The following KDM2A variants were observed in gnomAD, a reference collection of about 807,000 sequenced individuals.
KDM2A encodes the protein lysine-specific demethylase 2A.
Under a neutral mutation model 137.3 loss-of-function variants are expected in KDM2A, and 3 were observed. The observed-to-expected ratio is 0.02, with a 90% CI of 0.01 to 0.06. The LOEUF is 0.06. Ranked by LOEUF, KDM2A falls within the 10% of genes least tolerant of loss-of-function variation. The pLI is 1.00. For missense variants in KDM2A, 738 were observed against 1,510.6 expected (o/e 0.49, Z 8.48); for synonymous variants, 512 against 541.5 (o/e 0.95, Z 0.76).
chr11:67,175,768 G>C (rs538248793), intron 2 of KDM2A, among the ~76,000 whole-genome samples: 1 of 152,124 alleles, frequency 6.6e-6, no homozygotes, highest in Non-Finnish European at 1.5e-5. Flanking sequence ...GAAAACATGA[G>C]GGATTTTTAA....
In KDM2A at chr11:67,253,527, C is replaced by T. The variant is rs755301684; in HGVS notation, c.3007C>T (p.Leu1003Phe). Residue 1003 changes from leucine (L) to phenylalanine (F), a missense_variant, in exon 19 of 21, where the codon CTC becomes TTC. Leu to Phe is a conservative substitution (Grantham distance 22, BLOSUM62 0). Coordinates refer to ENST00000529006, the MANE Select transcript of KDM2A (RefSeq NM_012308.3). ...SALSTSSCPL[L>F]RTLDLRWAVG... ...CCTCAGCACCTCCAGCTGCCCCCTT[C>T]TCAGGACCCTTGATCTTCGGTGGGC... The T allele has an allele frequency of 1.9e-6, 3 of 1,613,876 alleles. No individual in the cohort carries two copies. The highest frequency in any genetic ancestry group is 2.5e-6 in the Non-Finnish European group (3 of 1,179,882).
chr11:67,165,786 A>G (rs988378552), intron 2 of KDM2A, among the ~76,000 whole-genome samples: 1 of 152,166 alleles, frequency 6.6e-6, no homozygotes, highest in African/African-American at 2.4e-5. Context: ...AGTGTTTTTT[A>G]AGACAAGCTG....
intron 2 of KDM2A, among the ~76,000 whole-genome samples, chr11:67,165,062 T>G (rs548823013): frequency 1.3e-5 from 2 of 152,136 alleles, no homozygotes; most frequent in East Asian, 3.9e-4. Flanking sequence ...GACTGTAATG[T>G]AATGGTGGTA....
intron 5 of KDM2A, among the ~76,000 whole-genome samples, chr11:67,203,275 T>C (rs545519519): frequency 6.6e-6 from 1 of 151,820 alleles, no homozygotes; most frequent in African/African-American, 2.4e-5. Flanking sequence ...ATAATGTAAA[T>C]ATATGCACTG....
chr11:67,184,988 C>T (rs1445311158), intron 5 of KDM2A, among the ~76,000 whole-genome samples: 1 of 152,038 alleles, frequency 6.6e-6, no homozygotes, highest in Non-Finnish European at 1.5e-5. Context: ...AAGTATGGCC[C>T]ATTCAAAGGA....
Position 67,250,343 on chromosome 11 carries a change from C to T in KDM2A, c.2313C>T (p.Thr771=), listed in dbSNP as rs368043782. Residue 771 remains threonine, a synonymous_variant, in exon 17 of 21, where the codon ACC becomes ACT. Coordinates refer to ENST00000529006, the MANE Select transcript of KDM2A (RefSeq NM_012308.3). The surrounding 1 kb of genome is among the most constrained non-coding windows in gnomAD (Gnocchi z 7.1). ...QLLRLQATER[T]MVREKENNPS... is the part of the protein sequence containing the mutation. ...TGCGGCTGCAGGCCACAGAGCGCAC[C>T]ATGGTACGGGAAAAGGAGAACAATC... The T allele has an allele frequency of 6.2e-7, 1 of 1,613,972 alleles. No homozygotes were observed. Among genetic ancestry groups the T allele is most frequent in the Non-Finnish European group, 8.5e-7 (1 of 1,179,890 alleles).
At chr11:67,233,755 A>G (rs2136429791) in intron 12 of KDM2A, among the ~76,000 whole-genome samples, 1 of 151,560 alleles carries the variant, frequency 6.6e-6, no homozygotes, top group South Asian at 2.1e-4. Context: ...AGGAAAAAGT[A>G]GAAAGATTTG....
chr11:67,196,206 G>A (rs890866413), intron 5 of KDM2A: 1 of 453,176 alleles, frequency 2.2e-6, no homozygotes, highest in East Asian at 7.0e-5. Flanking sequence ...CATCCATGGT[G>A]CACGAGCAGG....
At position 67,244,786 on chromosome 11, in the gene KDM2A, C is replaced by G. The variant is rs555502220; in HGVS notation, c.1564-403C>G. On this transcript the variant is annotated intron_variant, in intron 13 of 20. Transcript: ENST00000529006. ...AGATCACGAGGTCAGGAGATTGAGA[C>G]CATCCTGGCTAACATGGTGAAACCC... Among the ~76,000 whole-genome samples, 17 of 152,142 alleles carry G rather than the reference C, an allele frequency of 1.1e-4. No individual in the cohort carries two copies. The South Asian group carries it at 1.5e-3, about 13-fold the overall frequency.
intron 5 of KDM2A, among the ~76,000 whole-genome samples, chr11:67,202,017 A>G (rs531528916): frequency 6.6e-6 from 1 of 152,228 alleles, no homozygotes; most frequent in South Asian, 2.1e-4. Context: ...CAAAATATCA[A>G]CATTAACAGG....
intron 5 of KDM2A, among the ~76,000 whole-genome samples, chr11:67,201,772 C>CAAAAAAAAAAAAA (rs71056184): frequency 4.8e-4 from 18 of 37,818 alleles, no homozygotes; most frequent in African/African-American, 1.1e-3. Flanking sequence ...GACTCCATCT[C>CAAAAAAAAAAAAA]AAAAAAAAAA....
At chr11:67,167,126 A>C (rs1442314778) in intron 2 of KDM2A, among the ~76,000 whole-genome samples, 1 of 152,156 alleles carries the variant, frequency 6.6e-6, no homozygotes, top group Admixed American at 6.6e-5. Flanking sequence ...TTTTGTTAGC[A>C]CCCAAGGAGA....
At chr11:67,127,078 G>A (rs1012395767) in intron 2 of KDM2A, among the ~76,000 whole-genome samples, 7 of 152,096 alleles carry the variant, frequency 4.6e-5, no homozygotes, top group Admixed American at 2.6e-4. Flanking sequence ...TTGTTCTGAG[G>A]TAACAATGAT....
At chr11:67,176,376 T>C (rs925591621) in intron 2 of KDM2A, among the ~76,000 whole-genome samples, 2 of 152,224 alleles carry the variant, frequency 1.3e-5, no homozygotes, top group Non-Finnish European at 2.9e-5. Flanking sequence ...AGATCATCAA[T>C]ACTTAGTTTT....
chr11:67,205,558 G>A (rs937300620), intron 5 of KDM2A, among the ~76,000 whole-genome samples: 2 of 152,060 alleles, frequency 1.3e-5, no homozygotes, highest in South Asian at 4.1e-4. Context: ...CTCCCGAGTA[G>A]CCGGGATTAC....
chr11:67,231,556 A>G lies in KDM2A; in HGVS notation c.1085-10A>G. 11 of 1,571,742 alleles carry G rather than the reference A, an allele frequency of 7.0e-6. No homozygotes were observed. The highest frequency in any genetic ancestry group is 9.5e-6 in the Non-Finnish European group (11 of 1,159,552). On this transcript the variant is annotated splice_polypyrimidine_tract_variant and intron_variant, in intron 11 of 20. Transcript: ENST00000529006. ...AATGTTCTTACTGCATTTTTTCTTCATATTGGTAGATTTGGAGTTAAATGG... is the reference window on the plus strand; with the variant it reads ...AATGTTCTTACTGCATTTTTTCTTCGTATTGGTAGATTTGGAGTTAAATGG...
At chr11:67,184,114 A>AAAAAT in intron 5 of KDM2A, among the ~76,000 whole-genome samples, 1 of 147,482 alleles carries the variant, frequency 6.8e-6, no homozygotes, top group South Asian at 2.1e-4. Context: ...AAAAAAAAAA[A>AAAAAT]AGGCAGGTGG....
At chr11:67,189,209 C>T (rs746378696) in intron 5 of KDM2A, among the ~76,000 whole-genome samples, 1 of 152,164 alleles carries the variant, frequency 6.6e-6, no homozygotes, top group East Asian at 1.9e-4. Context: ...ATCAAAGTAT[C>T]TTCTCCAACC....
At position 67,155,868 on chromosome 11, in the gene KDM2A, G is replaced by A. The variant is rs561399820; in HGVS notation, c.43-24211G>A. Among the ~76,000 whole-genome samples, 107 of 143,678 alleles carry A rather than the reference G, an allele frequency of 7.4e-4. 1 individual carries two copies. The highest frequency in any genetic ancestry group is 3.6e-3 in the South Asian group (16 of 4,384). 94.3% of individuals were successfully genotyped at this position (143,678 alleles called of 152,430 possible). On this transcript the variant is annotated intron_variant, in intron 2 of 20. Coordinates refer to ENST00000529006, the MANE Select transcript of KDM2A (RefSeq NM_012308.3). Reference sequence around the variant, plus strand: ...CGACCTCAGGTGATCCGCCTGCCTCGGCCTCCCAAAGTGCTGGGATTACAG... The same window carrying A: ...CGACCTCAGGTGATCCGCCTGCCTCAGCCTCCCAAAGTGCTGGGATTACAG...
Sources: allele counts gnomAD v4.1 joint callset (sites outside exome capture counted in the v4.1 genomes callset), GRCh38; gene constraint gnomAD v4.1.1; non-coding constraint Gnocchi (gnomAD v3.1); transcripts MANE v1.5; gene names NCBI Gene and HGNC (gene_info 2026-07-23, HGNC 2026-07-21).